Variants in SBNO1 observed in about 807,000 individuals in gnomAD.
SBNO1 encodes strawberry notch homolog 1.
SBNO1 carries 23 observed loss-of-function variants against 173.6 expected under a neutral mutation model. The observed-to-expected ratio is 0.13, with a 90% CI of 0.10 to 0.19. The LOEUF (loss-of-function observed/expected upper bound fraction) is 0.19, where lower values mean the gene tolerates loss of function less well. Among genes scored for constraint, SBNO1 ranks in the 10% least tolerant of loss-of-function variants. The pLI is 1.00. For synonymous variants in SBNO1, 632 were observed against 571.5 expected, an observed-to-expected ratio of 1.11 and a Z score of -1.51; for missense variants, 1,238 against 1,671.2, an observed-to-expected ratio of 0.74 and a Z score of 4.52.
chr12:123,345,125 G>A, intron 4 of SBNO1, 133 bp downstream of exon 4: 1 of 732,766 alleles, frequency 1.4e-6, no homozygotes, highest in South Asian at 1.8e-5. Flanking sequence ...GTTAAAGACT[G>A]TAAGTACGCA....
At chr12:123,317,974 T>TA (rs1382584335) in intron 20 of SBNO1, among the ~76,000 whole-genome samples, 1 of 152,192 alleles carries the variant, frequency 6.6e-6, no homozygotes. Flanking sequence ...TATATATATA[T>TA]TTTTTGAGAC....
Position 123,350,346 on chromosome 12 carries a change from C to A in SBNO1, c.96G>T (p.Gly32=). The A allele has an allele frequency of 1.9e-6, 3 of 1,613,248 alleles. No individual in the cohort carries two copies. The highest frequency in any genetic ancestry group is 2.5e-6 in the Non-Finnish European group (3 of 1,179,206). ...DLFDIDGGDA[G]LATPMPTPSV... Reference sequence around the variant, plus strand: ...ACGGGGTAGGCATTGGAGTTGCAAGCCCTGCATCTCCACCATCAATATCAA... The same window carrying A: ...ACGGGGTAGGCATTGGAGTTGCAAGACCTGCATCTCCACCATCAATATCAA... The change falls in exon 2 of 32, where the codon GGG becomes GGT. Residue 32 remains glycine, a synonymous_variant. Coordinates refer to ENST00000602398, the MANE Select transcript of SBNO1 (RefSeq NM_001167856.3).
Position 123,291,826 on chromosome 12 carries a change from G to A in SBNO1, c.*4082C>T, listed in dbSNP as rs999781471. On this transcript the variant is annotated 3_prime_UTR_variant, in exon 32 of 32. Transcript: ENST00000602398. ...AATTATTTACATTCAGAATCCAGAAGAACTCAACATTTCTCTATATATACA... is the reference window on the plus strand; with the variant it reads ...AATTATTTACATTCAGAATCCAGAAAAACTCAACATTTCTCTATATATACA... 1.3e-5 allele frequency: 2 copies of A among 151,638 alleles called. No individual in the cohort carries two copies. Among genetic ancestry groups the A allele is most frequent in the Non-Finnish European group, 1.5e-5 (1 of 67,968 alleles). The allele number at this position is 151,638 out of a possible 1,614,324, so 9.4% of individuals were successfully genotyped here. A position where few individuals can be genotyped will look rare whatever the true frequency, so the allele number is the denominator to read the frequency against.
intron 28 of SBNO1, among the ~76,000 whole-genome samples, chr12:123,305,482 T>C (rs538766031): frequency 1.0e-3 from 156 of 152,312 alleles, no homozygotes; most frequent in African/African-American, 3.5e-3. Context: ...TTTAACTTTT[T>C]TTTTTGTTTT....
rs773990018 is a variant in SBNO1, at chr12:123,350,339, T to C, written c.103A>G (p.Thr35Ala). 29 of 1,613,302 alleles carry C rather than the reference T, an allele frequency of 1.8e-5. No homozygotes were observed. The highest frequency in any genetic ancestry group is 4.0e-5 in the African/African-American group (3 of 74,840). ...TGAACTGACGGGGTAGGCATTGGAG[T>C]TGCAAGCCCTGCATCTCCACCATCA... The part of the protein sequence containing the change: ...DIDGGDAGLA[T>A]PMPTPSVQQS... Residue 35 changes from threonine to alanine, a missense_variant, in exon 2 of 32, where the codon ACT becomes GCT. Physicochemically the swap from Thr to Ala is moderately conservative, Grantham distance 58. This residue lies in a region of SBNO1 where 287 missense variants were observed against 274.1 expected (regional missense o/e 1.05). Coordinates refer to ENST00000602398, the MANE Select transcript of SBNO1 (RefSeq NM_001167856.3).
At chr12:123,309,233 A>G (rs911688541) in intron 28 of SBNO1, 77 bp downstream of exon 28, 72 of 1,050,160 alleles carry the variant, frequency 6.9e-5, no homozygotes, top group Middle Eastern at 2.0e-4. Flanking sequence ...AAACAGGTAC[A>G]AAGTGAAGAG....
At chr12:123,364,368 G>A (rs1875839261) in intron 1 of SBNO1, 3 of 985,374 alleles carry the variant, frequency 3.0e-6, no homozygotes, top group Non-Finnish European at 3.6e-6. Context: ...CAGCGGAGCC[G>A]GCGTGCACAG....
Position 123,350,515 on chromosome 12 carries a change from C to G in SBNO1, c.1-74G>C, listed in dbSNP as rs1350702106. The G allele has an allele frequency of 3.5e-6, 4 of 1,153,894 alleles. No individual in the cohort carries two copies. The African/African-American group carries it at 6.1e-5, about 18-fold the overall frequency. The allele number at this position is 1,153,894 out of a possible 1,614,324, so 71.5% of individuals were successfully genotyped here. A position where few individuals can be genotyped will look rare whatever the true frequency, so the allele number is the denominator to read the frequency against. On this transcript the variant is annotated intron_variant, in intron 1 of 31. Transcript: ENST00000602398. ...ATATTAACTCCCCTCTAAATATAAA[C>G]AATCCAACAATCTCTATTAGACCCA... is the stretch of plus-strand genomic sequence containing the variant.
At chr12:123,298,198 A>G (rs932852470) in intron 30 of SBNO1, 27 bp from the exon 31 acceptor site, 4 of 1,595,262 alleles carry the variant, frequency 2.5e-6, no homozygotes, top group Admixed American at 1.7e-5. Flanking sequence ...AGAAATACAT[A>G]TGAGTGTCTA....
intron 28 of SBNO1, among the ~76,000 whole-genome samples, chr12:123,308,630 G>C (rs762679296): frequency 6.6e-6 from 1 of 151,984 alleles, no homozygotes; most frequent in Admixed American, 6.6e-5. Flanking sequence ...AGCCGAGATC[G>C]CACCACTGCA....
intron 30 of SBNO1, among the ~76,000 whole-genome samples, chr12:123,301,934 A>C (rs796788713): frequency 2.2e-4 from 34 of 151,200 alleles, no homozygotes; most frequent in African/African-American, 8.0e-4. Context: ...AGGAGGGCGA[A>C]AAAGTGGTTT....
chr12:123,311,467 G>A (rs1238280570), intron 24 of SBNO1, among the ~76,000 whole-genome samples: 1 of 151,784 alleles, frequency 6.6e-6, no homozygotes, highest in Non-Finnish European at 1.5e-5. Flanking sequence ...TCTGCCTCAC[G>A]GGTTCAAGCA....
chr12:123,299,978 G>A (rs569171020), intron 30 of SBNO1, among the ~76,000 whole-genome samples: 1 of 152,266 alleles, frequency 6.6e-6, no homozygotes, highest in African/African-American at 2.4e-5. Flanking sequence ...ACATTAGTGG[G>A]AAGGACTCAG....
intron 24 of SBNO1, among the ~76,000 whole-genome samples, chr12:123,313,287 A>G (rs966390239): frequency 2.0e-5 from 3 of 150,058 alleles, no homozygotes; most frequent in Admixed American, 6.6e-5. Flanking sequence ...TAAAAAAAAT[A>G]AAATAAATAA....
intron 30 of SBNO1, among the ~76,000 whole-genome samples, chr12:123,299,905 AG>A (rs1429543620): frequency 6.6e-6 from 1 of 152,058 alleles, no homozygotes; most frequent in Non-Finnish European, 1.5e-5. Context: ...GAAAAGAAGG[AG>A]GGGGGAAGAT....
At chr12:123,330,096 T>C (rs1255396753) in intron 9 of SBNO1, among the ~76,000 whole-genome samples, 1 of 152,190 alleles carries the variant, frequency 6.6e-6, no homozygotes, top group Non-Finnish European at 1.5e-5. Context: ...TTATGGCATA[T>C]AAACTATAAA....
chr12:123,322,050 CTG>C (rs1263778510), intron 16 of SBNO1, among the ~76,000 whole-genome samples: 1 of 152,198 alleles, frequency 6.6e-6, no homozygotes, highest in Admixed American at 6.5e-5. Flanking sequence ...CACAATTTGA[CTG>C]TGTATCAGAT....
chr12:123,363,031 A>G (rs1211925730), intron 1 of SBNO1, among the ~76,000 whole-genome samples: 2 of 152,118 alleles, frequency 1.3e-5, no homozygotes, highest in Middle Eastern at 3.2e-3. Flanking sequence ...AGCTGCAGTG[A>G]GCTATGACCA....
intron 25 of SBNO1, among the ~76,000 whole-genome samples, chr12:123,310,849 A>G (rs1447404902): frequency 6.6e-6 from 1 of 152,146 alleles, no homozygotes; most frequent in Admixed American, 6.6e-5. Context: ...AGTAATTTTT[A>G]AAAGCTTGAG....
Sources: allele counts gnomAD v4.1 joint callset (sites outside exome capture counted in the v4.1 genomes callset), GRCh38; gene constraint gnomAD v4.1.1; regional missense constraint gnomAD v4.1.1; transcripts MANE v1.5; gene names NCBI Gene and HGNC (gene_info 2026-07-23, HGNC 2026-07-21).